The following ANK2 variants were observed in gnomAD, a reference collection of about 807,000 sequenced individuals.
The protein encoded by ANK2 is ankyrin 2.
In ANK2, 83 loss-of-function variants were observed where a neutral mutation model predicts 360.5. The ratio of observed to expected loss-of-function variants is 0.23; its 90% CI spans 0.19 to 0.28. The LOEUF (loss-of-function observed/expected upper bound fraction) is 0.28. Among genes scored for constraint, ANK2 ranks in the 10% least tolerant of loss-of-function variants. ANK2 has a pLI of 1.00. For missense variants in ANK2, 4,201 were observed against 4,795.7 expected (o/e 0.88, Z 3.66); for synonymous variants, 1,740 against 1,759.5 (o/e 0.99, Z 0.28).
intron 45 of ANK2, among the ~76,000 whole-genome samples, chr4:113,380,630 C>G (rs1457343701): frequency 6.6e-6 from 1 of 152,222 alleles, no homozygotes; most frequent in African/African-American, 2.4e-5. Flanking sequence ...CCAATGCACT[C>G]CAGCCTGGGT....
chr4:113,123,837 G>T (rs550737255), intron 1 of ANK2, among the ~76,000 whole-genome samples: 1 of 152,192 alleles, frequency 6.6e-6, no homozygotes, highest in South Asian at 2.1e-4. Context: ...GAAATTTCAA[G>T]CGATCGTAGA....
At chr4:112,744,639 C>T in the ANK2 span, among the ~76,000 whole-genome samples, 20 of 152,136 alleles carry the variant, frequency 1.3e-4, no homozygotes, top group African/African-American at 4.8e-4. Flanking sequence ...CATGAGCCAC[C>T]ACGCCTGGCC....
chr4:113,268,111 A>G (rs1435332557), intron 14 of ANK2, among the ~76,000 whole-genome samples: 1 of 152,132 alleles, frequency 6.6e-6, no homozygotes, highest in African/African-American at 2.4e-5. Context: ...GTATCCTGAG[A>G]CTTTGCTGAA....
intron 1 of ANK2, among the ~76,000 whole-genome samples, chr4:113,134,708 C>A (rs2096285053): frequency 1.3e-5 from 2 of 152,070 alleles, no homozygotes; most frequent in Non-Finnish European, 2.9e-5. Flanking sequence ...AAGCCATAGT[C>A]TCTTTTATTG....
intron 11 of ANK2, 28 bp downstream of exon 11, chr4:113,255,960 G>T: frequency 6.2e-7 from 1 of 1,607,122 alleles, no homozygotes; most frequent in South Asian, 1.1e-5. Context: ...CACATTAACT[G>T]AATACAGATT....
At chr4:112,831,674 T>G (rs976757170) in intron 1 of ANK2, among the ~76,000 whole-genome samples, 5 of 152,176 alleles carry the variant, frequency 3.3e-5, no homozygotes, top group African/African-American at 1.2e-4. Flanking sequence ...TCGGGTCCTC[T>G]TTCATGCTGT....
chr4:113,348,886 C>A (rs2095184561), intron 36 of ANK2, among the ~76,000 whole-genome samples: 1 of 152,068 alleles, frequency 6.6e-6, no homozygotes, highest in African/African-American at 2.4e-5. Flanking sequence ...GGAAGTTTTT[C>A]AGGCTCCTCA....
rs1451755924 is a variant in ANK2 at position 113,101,359 on chromosome 4, G to A, written c.84+51547G>A. Among the ~76,000 whole-genome samples the A allele has an allele frequency of 2.6e-5, 4 of 152,086 alleles. No individual in the cohort carries two copies. The South Asian group carries it at 6.2e-4, about 24-fold the overall frequency. On this transcript the variant is annotated intron_variant, in intron 1 of 45. Transcript: ENST00000357077. ...TACAGAGTAACTTTTTGCAGAGATA[G>A]TATTTCTTCTAGCTGTAAGAAGGAA... is the stretch of plus-strand genomic sequence containing the variant.
intron 2 of ANK2, among the ~76,000 whole-genome samples, chr4:112,953,546 G>T (rs1444402434): frequency 6.6e-6 from 1 of 152,242 alleles, no homozygotes; most frequent in Non-Finnish European, 1.5e-5. Context: ...TTACTTGTTT[G>T]TGGAGAGGAT....
chr4:113,010,126 G>A (rs1416256484), intron 2 of ANK2, among the ~76,000 whole-genome samples: 1 of 152,100 alleles, frequency 6.6e-6, no homozygotes, highest in Non-Finnish European at 1.5e-5. Context: ...CTTTTTGAAG[G>A]AACTGTATTG....
At chr4:113,278,598 A>T in intron 17 of ANK2, 40 bp downstream of exon 17, 1 of 1,578,370 alleles carries the variant, frequency 6.3e-7, no homozygotes, top group South Asian at 1.1e-5. Context: ...ATAGGGTGTA[A>T]CTATCGCCTG....
intron 14 of ANK2, among the ~76,000 whole-genome samples, chr4:113,266,232 T>G (rs547765673): frequency 6.6e-6 from 1 of 152,340 alleles, no homozygotes; most frequent in Admixed American, 6.5e-5. Context: ...CTGTGTTAGT[T>G]TGCTGAGAAT....
chr4:113,097,112 T>TTTTTTTTTTTTTTTTTTGAGA (rs1554118413), intron 1 of ANK2, among the ~76,000 whole-genome samples: 22 of 143,170 alleles, frequency 1.5e-4, no homozygotes, highest in East Asian at 4.2e-4. Context: ...CTTTTTTATA[T>TTTTTTTTTTTTTTTTTTGAGA]CATTAGATTT....
chr4:113,337,758 G>A (rs2093735169), intron 31 of ANK2, among the ~76,000 whole-genome samples: 1 of 152,076 alleles, frequency 6.6e-6, no homozygotes, highest in South Asian at 2.1e-4. Flanking sequence ...GAAATCATAT[G>A]CTTCACTTAT....
the ANK2 span, among the ~76,000 whole-genome samples, chr4:112,759,604 G>T: frequency 6.6e-6 from 1 of 152,116 alleles, no homozygotes; most frequent in Non-Finnish European, 1.5e-5. Context: ...TGAGAGGTAG[G>T]GGGGTGAGTA....
At chr4:113,348,124 CTGTT>C in intron 35 of ANK2, 148 bp from the exon 36 acceptor site, 1 of 734,278 alleles carries the variant, frequency 1.4e-6, no homozygotes, top group Non-Finnish European at 2.4e-6. Context: ...CTTCTATAAA[CTGTT>C]AGTAATAAAA....
intron 1 of ANK2, among the ~76,000 whole-genome samples, chr4:112,889,791 G>A (rs1323013172): frequency 9.2e-5 from 14 of 152,230 alleles, no homozygotes; most frequent in South Asian, 4.2e-4. Flanking sequence ...AGGGAGTTGC[G>A]TGAGTTATGT....
intron 23 of ANK2, among the ~76,000 whole-genome samples, chr4:113,306,957 C>T (rs556781117): frequency 6.6e-6 from 1 of 152,204 alleles, no homozygotes; most frequent in Non-Finnish European, 1.5e-5. Flanking sequence ...TGAAGGTAAT[C>T]GTCTAAGTCT....
At chr4:112,894,842 C>A (rs185321732) in intron 1 of ANK2, among the ~76,000 whole-genome samples, 62 of 152,310 alleles carry the variant, frequency 4.1e-4, no homozygotes, top group Non-Finnish European at 7.8e-4. Flanking sequence ...TGCTTTAGAA[C>A]AGCAGAGCTC....
Sources: gnomAD v4.1 joint callset for allele counts (sites outside exome capture counted in the v4.1 genomes callset) on GRCh38, gnomAD v4.1.1 for gene constraint, MANE v1.5 for transcripts, NCBI Gene and HGNC (gene_info 2026-07-23, HGNC 2026-07-21) for gene names.